PWWP3A: variants seen among roughly 807,000 people sequenced by gnomAD.
PWWP3A encodes the protein PWWP domain containing 3A, DNA repair factor.
PWWP3A carries 53 observed loss-of-function variants against 79.0 expected under a neutral mutation model. The observed-to-expected ratio is 0.67, with a 90% CI of 0.54 to 0.84. The LOEUF is 0.84. PWWP3A is among the 40% of genes least tolerant of loss of function. The pLI, the probability that PWWP3A is intolerant of heterozygous loss-of-function variation, is 0.00. For missense variants in PWWP3A, 973 were observed against 948.0 expected, an observed-to-expected ratio of 1.03 and a Z score of -0.35; for synonymous variants, 443 against 394.4, an observed-to-expected ratio of 1.12 and a Z score of -1.46.
chr19:1,365,248 C>A (rs374858044), intron 7 of PWWP3A, among the ~76,000 whole-genome samples: 1 of 152,240 alleles, frequency 6.6e-6, no homozygotes, highest in Non-Finnish European at 1.5e-5. Context: ...AACAGGAATT[C>A]GAAATCCTGT....
At position 1,354,992 on chromosome 19, in the gene PWWP3A, CGGCGGCGGCGGCGGCGGT is replaced by C. The variant is rs1568919935; in HGVS notation, c.-207_-190del. 1 of 149,344 alleles carries C rather than the reference CGGCGGCGGCGGCGGCGGT, an allele frequency of 6.7e-6. No homozygotes were observed. The highest frequency in any genetic ancestry group is 1.9e-4 in the East Asian group (1 of 5,246). 9.3% of individuals were successfully genotyped at this position (149,344 alleles called of 1,614,324 possible). On this transcript the variant is annotated 5_prime_UTR_variant, in exon 1 of 14. Coordinates refer to ENST00000591337, the MANE Select transcript of PWWP3A (RefSeq NM_001369789.1). ...CCCCCGGCCCCGCGGGGAGCGGCGG[CGGCGGCGGCGGCGGCGGT>C]GGCGGAGGCGGTGAGCGCGGGCGGC...
At chr19:1,362,188 C>A in intron 5 of PWWP3A, 62 bp from the exon 6 acceptor site, 2 of 1,418,338 alleles carry the variant, frequency 1.4e-6, no homozygotes, top group Non-Finnish European at 2.0e-6. Flanking sequence ...GAAATGTTTT[C>A]TTGGGATGAG....
In PWWP3A at chr19:1,356,423, T is replaced by G; in HGVS notation, c.31T>G (p.Trp11Gly). The G allele has an allele frequency of 6.2e-7, 1 of 1,614,158 alleles. No individual in the cohort carries two copies. Among genetic ancestry groups the G allele is most frequent in the Non-Finnish European group, 8.5e-7 (1 of 1,180,006 alleles). The change falls in exon 2 of 14, where the codon TGG becomes GGG. Residue 11 changes from tryptophan to glycine, a missense_variant. Coordinates refer to ENST00000591337, the MANE Select transcript of PWWP3A (RefSeq NM_001369789.1). Reference sequence around the variant, plus strand: ...GGATGCCAAGTATGTCCTCTGCCGATGGGAAAAGCGATTATGGCCTGCGAA... The same window carrying G: ...GGATGCCAAGTATGTCCTCTGCCGAGGGGAAAAGCGATTATGGCCTGCGAA... Reference protein sequence around the residue: MADAKYVLCRWEKRLWPAKVL... With the variant: MADAKYVLCRGEKRLWPAKVL...
chr19:1,373,402 A>G (rs2144764998), intron 13 of PWWP3A: 1 of 563,050 alleles, frequency 1.8e-6, no homozygotes. Context: ...GGCCACGGGC[A>G]CGTGCCTGGG....
chr19:1,376,549 T>G lies in PWWP3A; in HGVS notation c.2106T>G (p.Leu702=), dbSNP rs139827949. The G allele has an allele frequency of 5.4e-5, 87 of 1,613,490 alleles. No homozygotes were observed. Among genetic ancestry groups the G allele is most frequent in the Non-Finnish European group, 7.1e-5 (84 of 1,179,904 alleles). ...REKEIFDNQL[L]EERNRRRR ...AAGAAATATTTGACAACCAGCTCCTTGAAGAGCGGAACCGGCGCCGTCGGT... is the reference window on the plus strand; with the variant it reads ...AAGAAATATTTGACAACCAGCTCCTGGAAGAGCGGAACCGGCGCCGTCGGT... The change falls in exon 14 of 14, where the codon CTT becomes CTG. Residue 702 remains leucine, a synonymous_variant. Transcript: ENST00000591337.
rs144924816 is a variant in PWWP3A, at chr19:1,355,967, T to C, written c.-69-357T>C. Among the ~76,000 whole-genome samples, 1,154 of 151,812 alleles carry C rather than the reference T, an allele frequency of 7.6e-3. 6 individuals carry two copies. The highest frequency in any genetic ancestry group is 0.012 in the Non-Finnish European group (785 of 67,904). ...TGTGGTCAACTGTTAACTCCCCAAATTGGGGAGGGTTGTGAGCTTTGATTG... is the reference window on the plus strand; with the variant it reads ...TGTGGTCAACTGTTAACTCCCCAAACTGGGGAGGGTTGTGAGCTTTGATTG... On this transcript the variant is annotated intron_variant, in intron 1 of 13. Coordinates refer to ENST00000591337, the MANE Select transcript of PWWP3A (RefSeq NM_001369789.1).
rs1040761930 is a variant in PWWP3A at position 1,376,598 on chromosome 19, C to G, written c.*22C>G. On this transcript the variant is annotated 3_prime_UTR_variant, in exon 14 of 14. Transcript: ENST00000591337. ...GTGAGGGAGCAGCCGGCTGTGCTGT[C>G]AGCGGGGCCTGGCGGTGGAAGCGCC... 10 of 1,612,866 alleles carry G rather than the reference C, an allele frequency of 6.2e-6. No individual in the cohort carries two copies. Among genetic ancestry groups the G allele is most frequent in the Non-Finnish European group, 8.5e-6 (10 of 1,179,566 alleles).
Position 1,364,146 on chromosome 19 carries a change from T to C in PWWP3A, c.1214-363T>C, listed in dbSNP as rs181806936. ...CACCTCTGTTTTGTGCCACACACTC[T>C]TTAAAAGTGTCTTCCCGCGGGGTTT... On this transcript the variant is annotated intron_variant, in intron 6 of 13. Transcript: ENST00000591337. 6.5e-4 allele frequency: 347 copies of C among 531,358 alleles called. 2 individuals are homozygous for C. Among genetic ancestry groups the C allele is most frequent in the African/African-American group, 5.4e-3 (283 of 52,290 alleles). 32.9% of individuals were successfully genotyped at this position (531,358 alleles called of 1,614,324 possible).
Position 1,369,783 on chromosome 19 carries a change from C to T in PWWP3A, c.1549+137C>T, listed in dbSNP as rs2082212119. 1 of 1,030,062 alleles carries T rather than the reference C, an allele frequency of 9.7e-7. No individual in the cohort carries two copies. Among genetic ancestry groups the T allele is most frequent in the Non-Finnish European group, 1.5e-6 (1 of 660,262 alleles). 63.8% of individuals were successfully genotyped at this position (1,030,062 alleles called of 1,614,324 possible). On this transcript the variant is annotated intron_variant, in intron 11 of 13. Transcript: ENST00000591337. This position sits in a 1 kb window ranked among gnomAD's most constrained non-coding sequence, Gnocchi z 4.0. The stretch of plus-strand genomic sequence containing the variant: ...GCAGCCACACAGCATTGTTCAACCT[C>T]TATGAGGTTTTGATGTGACCCTGAG...
intron 13 of PWWP3A, among the ~76,000 whole-genome samples, chr19:1,375,550 T>TATATATATATATAAA: frequency 4.2e-4 from 1 of 2,392 alleles, no homozygotes; most frequent in Admixed American, 3.6e-3. Flanking sequence ...ATATATAAAA[T>TATATATATATATAAA]ATATATTATA....
chr19:1,357,158 T>G, intron 3 of PWWP3A, 64 bp downstream of exon 3: 1 of 1,271,430 alleles, frequency 7.9e-7, no homozygotes, highest in Non-Finnish European at 1.1e-6. Flanking sequence ...TTCAATCCCC[T>G]ACTCCCCCAA....
chr19:1,374,933 T>C (rs2082333338), intron 13 of PWWP3A, among the ~76,000 whole-genome samples: 1 of 151,708 alleles, frequency 6.6e-6, no homozygotes, highest in Admixed American at 6.6e-5. Flanking sequence ...TTTAAAACAT[T>C]GTTAAGGCCT....
At chr19:1,367,555 C>CT (rs2082155044) in intron 9 of PWWP3A, among the ~76,000 whole-genome samples, 1 of 152,268 alleles carries the variant, frequency 6.6e-6, no homozygotes, top group Admixed American at 6.5e-5. Flanking sequence ...CCCTGGCCGA[C>CT]TGTCTCAGTC....
chr19:1,371,203 G>A (rs564469399), intron 12 of PWWP3A, 125 bp downstream of exon 12: 12 of 1,064,898 alleles, frequency 1.1e-5, no homozygotes, highest in South Asian at 2.7e-5. Flanking sequence ...CCAACGGAGC[G>A]TGGAGGCCTC....
rs2081802163 is a variant in PWWP3A at position 1,354,964 on chromosome 19, C to T, written c.-241C>T. 3 of 143,310 alleles carry T rather than the reference C, an allele frequency of 2.1e-5. No homozygotes were observed. The South Asian group carries it at 5.5e-4, about 26-fold the overall frequency. The allele number at this position is 143,310 out of a possible 1,614,324, so 8.9% of individuals were successfully genotyped here. The stretch of plus-strand genomic sequence containing the variant: ...GCTTGGCGCCGCCGCGAGGCAAGCC[C>T]CGCCCCCGGCCCCGCGGGGAGCGGC... On this transcript the variant is annotated 5_prime_UTR_variant, in exon 1 of 14. Transcript: ENST00000591337.
chr19:1,360,967 C>G lies in PWWP3A; in HGVS notation c.1046C>G (p.Pro349Arg). 2 of 1,464,818 alleles carry G rather than the reference C, an allele frequency of 1.4e-6. No individual in the cohort carries two copies. Among genetic ancestry groups the G allele is most frequent in the South Asian group, 2.8e-5 (2 of 70,274 alleles). The allele number at this position is 1,464,818 out of a possible 1,614,324, so 90.7% of individuals were successfully genotyped here. A position where few individuals can be genotyped will look rare whatever the true frequency, so the allele number is the denominator to read the frequency against. ...AGCACCGCCAGGCTGGGCCCGCCTC[C>G]CTCCCACGCCTCTGCGGATGCAACC... ...PRSTARLGPP[P>R]SHASADATRC... The change falls in exon 5 of 14, where the codon CCC becomes CGC. Residue 349 changes from proline (P) to arginine (R), a missense_variant. Transcript: ENST00000591337. This position sits in a 1 kb window ranked among gnomAD's most constrained non-coding sequence, Gnocchi z 4.4.
chr19:1,356,083 C>T (rs1404660736), intron 1 of PWWP3A, among the ~76,000 whole-genome samples: 1 of 152,102 alleles, frequency 6.6e-6, no homozygotes, highest in African/African-American at 2.4e-5. Context: ...CTAGATAGAA[C>T]CTTTGGGAGG....
Position 1,376,721 on chromosome 19 carries a change from C to T in PWWP3A, c.*145C>T. 1 of 654,418 alleles carries T rather than the reference C, an allele frequency of 1.5e-6. No homozygotes were observed. The highest frequency in any genetic ancestry group is 2.6e-6 in the Non-Finnish European group (1 of 377,714). The allele number at this position is 654,418 out of a possible 1,614,324, so 40.5% of individuals were successfully genotyped here. The stretch of plus-strand genomic sequence containing the variant: ...TCTCCTGCGTGGCAGTCCTGATTTC[C>T]ATGCTTCTGGAGAATCCATTTCGTT... On this transcript the variant is annotated 3_prime_UTR_variant, in exon 14 of 14. Transcript: ENST00000591337.
rs571531386 is a variant in PWWP3A, at chr19:1,377,287, C to T, written c.*711C>T. Reference sequence around the variant, plus strand: ...CCAGACCGCCTCCACCTCCCCCGCCCGCCTGGCCTGTCCTGAGTGCATTTC... The same window carrying T: ...CCAGACCGCCTCCACCTCCCCCGCCTGCCTGGCCTGTCCTGAGTGCATTTC... On this transcript the variant is annotated 3_prime_UTR_variant, in exon 14 of 14. Coordinates refer to ENST00000591337, the MANE Select transcript of PWWP3A (RefSeq NM_001369789.1). 2.9e-4 allele frequency: 45 copies of T among 152,918 alleles called. No homozygotes were observed. Among genetic ancestry groups the T allele is most frequent in the Non-Finnish European group, 2.2e-4 (15 of 68,540 alleles). 9.5% of individuals were successfully genotyped at this position (152,918 alleles called of 1,614,324 possible).
Sources: gnomAD v4.1 joint callset for allele counts (sites outside exome capture counted in the v4.1 genomes callset) on GRCh38, gnomAD v4.1.1 for gene constraint, Gnocchi (gnomAD v3.1) non-coding constraint, MANE v1.5 for transcripts, NCBI Gene and HGNC (gene_info 2026-07-23, HGNC 2026-07-21) for gene names.